CDH13: variants seen among roughly 807,000 people sequenced by gnomAD.
The protein encoded by CDH13 is cadherin 13, also known as cadherin-13.
In CDH13, 24 loss-of-function variants were observed where a neutral mutation model predicts 63.8. The observed-to-expected ratio is 0.38, with a 90% CI of 0.27 to 0.53. CDH13 has a LOEUF of 0.53. CDH13 is among the 20% of genes least tolerant of loss of function. The pLI, the probability that CDH13 is intolerant of heterozygous loss-of-function variation, is 0.85. For synonymous variants in CDH13, 503 were observed against 355.3 expected, an observed-to-expected ratio of 1.42 and a Z score of -4.67; for missense variants, 1,049 against 903.1, an observed-to-expected ratio of 1.16 and a Z score of -2.07.
chr16:83,501,779 G>C (rs1485663964), intron 7 of CDH13, among the ~76,000 whole-genome samples: 1 of 152,176 alleles, frequency 6.6e-6, no homozygotes, highest in Non-Finnish European at 1.5e-5. Flanking sequence ...GGGACATATT[G>C]ATGGAAAAAA....
intron 2 of CDH13, among the ~76,000 whole-genome samples, chr16:82,945,225 G>T (rs1016424849): frequency 1.3e-5 from 2 of 152,184 alleles, no homozygotes; most frequent in Non-Finnish European, 2.9e-5. Flanking sequence ...TTCTGTGGCA[G>T]TCACTCAACT....
chr16:83,696,894 C>A (rs1024071834), intron 10 of CDH13, among the ~76,000 whole-genome samples: 1 of 152,176 alleles, frequency 6.6e-6, no homozygotes, highest in Non-Finnish European at 1.5e-5. Flanking sequence ...CAGTGCCTCC[C>A]ATTTCACACT....
intron 6 of CDH13, among the ~76,000 whole-genome samples, chr16:83,405,824 G>T (rs970296116): frequency 2.0e-5 from 3 of 152,266 alleles, no homozygotes; most frequent in South Asian, 2.1e-4. Flanking sequence ...GCTGTGGTTG[G>T]TATCACGTTG....
chr16:82,832,341 CTTA>C (rs1404063247), intron 1 of CDH13, among the ~76,000 whole-genome samples: 1 of 152,110 alleles, frequency 6.6e-6, no homozygotes, highest in Non-Finnish European at 1.5e-5. Flanking sequence ...ATTTTCAACC[CTTA>C]TTAATGCATT....
intron 5 of CDH13, among the ~76,000 whole-genome samples, chr16:83,338,948 A>C (rs11861960): frequency 0.013 from 2,030 of 152,300 alleles, 47 homozygotes; most frequent in African/African-American, 0.045. Flanking sequence ...AAAGGTATCC[A>C]ATAGAGGGTG....
chr16:83,557,634 A>T (rs79793680), intron 7 of CDH13, among the ~76,000 whole-genome samples: 3 of 152,120 alleles, frequency 2.0e-5, no homozygotes, highest in Non-Finnish European at 4.4e-5. Context: ...GCCCTTTGTT[A>T]TAGGAAATGC....
At chr16:82,818,477 T>C (rs1162040429) in intron 1 of CDH13, among the ~76,000 whole-genome samples, 1 of 152,144 alleles carries the variant, frequency 6.6e-6, no homozygotes, top group Non-Finnish European at 1.5e-5. Context: ...AAAGTGATAA[T>C]TTCCATAAAA....
intron 3 of CDH13, among the ~76,000 whole-genome samples, chr16:83,073,638 G>T (rs962253511): frequency 6.6e-6 from 1 of 151,948 alleles, no homozygotes; most frequent in Non-Finnish European, 1.5e-5. Context: ...AAAATATATT[G>T]AACTTGACGA....
rs541081306 is a variant in CDH13, at chr16:83,000,382, G to A, written c.158-31628G>A. Among the ~76,000 whole-genome samples, 176 of 150,190 alleles carry A rather than the reference G, an allele frequency of 1.2e-3. 1 individual carries two copies. Among genetic ancestry groups the A allele is most frequent in the African/African-American group, 4.2e-3 (170 of 40,950 alleles). On this transcript the variant is annotated intron_variant, in intron 2 of 13. Transcript: ENST00000567109. The stretch of plus-strand genomic sequence containing the variant: ...TCTTGCCTCAGCCTCGCGAGTAGCT[G>A]GGATTACAGGCGCCCGCCACCACGC...
At chr16:83,058,136 T>C (rs915475379) in intron 3 of CDH13, among the ~76,000 whole-genome samples, 3 of 152,212 alleles carry the variant, frequency 2.0e-5, no homozygotes, top group Admixed American at 1.3e-4. Context: ...AATACAAAGT[T>C]AGTTTGTTGA....
chr16:82,916,533 C>G (rs1157835974), intron 2 of CDH13, among the ~76,000 whole-genome samples: 2 of 151,526 alleles, frequency 1.3e-5, no homozygotes, highest in Non-Finnish European at 2.9e-5. Context: ...GAGATCGCGC[C>G]ACAGCACTCC....
intron 2 of CDH13, among the ~76,000 whole-genome samples, chr16:83,009,645 G>C (rs1913915640): frequency 6.6e-6 from 1 of 152,096 alleles, no homozygotes; most frequent in East Asian, 1.9e-4. Context: ...TTTAATAGCT[G>C]TTCTTTTTAA....
At chr16:83,509,607 A>G in intron 7 of CDH13, among the ~76,000 whole-genome samples, 1 of 152,206 alleles carries the variant, frequency 6.6e-6, no homozygotes, top group South Asian at 2.1e-4. Context: ...AGATTTCTGG[A>G]AAGGGAGAAA....
In CDH13 at chr16:83,299,806, T is replaced by A. The variant is rs536129782; in HGVS notation, c.637-45056T>A. Among the ~76,000 whole-genome samples, 6 of 152,362 alleles carry A rather than the reference T, an allele frequency of 3.9e-5. No homozygotes were observed. In the South Asian group the frequency reaches 1.2e-3, roughly 32 times the overall value. On this transcript the variant is annotated intron_variant, in intron 5 of 13. Coordinates refer to ENST00000567109, the MANE Select transcript of CDH13 (RefSeq NM_001257.5). Reference sequence around the variant, plus strand: ...CATAACACTTTATCCCAACACTTAGTGGCTGAAAACAGTACATAATGATGA... The same window carrying A: ...CATAACACTTTATCCCAACACTTAGAGGCTGAAAACAGTACATAATGATGA...
At chr16:82,941,053 A>G (rs1332730195) in intron 2 of CDH13, among the ~76,000 whole-genome samples, 1 of 152,158 alleles carries the variant, frequency 6.6e-6, no homozygotes, top group Non-Finnish European at 1.5e-5. Context: ...CTTCTGGCAA[A>G]CGATAGGAAA....
chr16:83,595,430 G>T (rs1907159739), intron 7 of CDH13, among the ~76,000 whole-genome samples: 2 of 152,168 alleles, frequency 1.3e-5, no homozygotes. Context: ...CATCCACTTA[G>T]GGAGATAGTA....
At chr16:83,128,845 C>G (rs1046518089) in intron 4 of CDH13, among the ~76,000 whole-genome samples, 2 of 152,148 alleles carry the variant, frequency 1.3e-5, no homozygotes, top group African/African-American at 4.8e-5. Context: ...TATGTGTTGC[C>G]CATACTTGTT....
At chr16:82,967,443 C>T (rs967551067) in intron 2 of CDH13, among the ~76,000 whole-genome samples, 2 of 152,214 alleles carry the variant, frequency 1.3e-5, no homozygotes, top group South Asian at 4.1e-4. Flanking sequence ...TTTGCGCCCG[C>T]TGAATCCTCA....
intron 1 of CDH13, among the ~76,000 whole-genome samples, chr16:82,833,489 C>G (rs1239126875): frequency 6.6e-6 from 1 of 152,168 alleles, no homozygotes; most frequent in Non-Finnish European, 1.5e-5. Flanking sequence ...GATTCTGATC[C>G]CCATGAATTC....
Sources: allele counts gnomAD v4.1 joint callset (sites outside exome capture counted in the v4.1 genomes callset), GRCh38; gene constraint gnomAD v4.1.1; transcripts MANE v1.5; gene names NCBI Gene and HGNC (gene_info 2026-07-23, HGNC 2026-07-21).